The following RCBTB1 variants were observed in gnomAD, a reference collection of about 807,000 sequenced individuals.
RCBTB1 encodes RCC1 and BTB domain-containing protein 1.
Under a neutral mutation model 62.4 loss-of-function variants are expected in RCBTB1, and 46 were observed. The ratio of observed to expected loss-of-function variants is 0.74; its 90% CI spans 0.58 to 0.94. The LOEUF (loss-of-function observed/expected upper bound fraction) is 0.94, where lower values mean the gene tolerates loss of function less well. Ranked by LOEUF, RCBTB1 falls within the 40% of genes least tolerant of loss-of-function variation. The probability of loss-of-function intolerance (pLI) is 0.00; values close to 1 mark genes in which losing one functional copy is unlikely to be tolerated. For synonymous variants in RCBTB1, 222 were observed against 245.8 expected (o/e 0.90, Z 0.91); for missense variants, 565 against 654.9 (o/e 0.86, Z 1.50).
chr13:49,549,764 C>A, intron 8 of RCBTB1, 116 bp from the exon 9 acceptor site: 1 of 1,450,602 alleles, frequency 6.9e-7, no homozygotes. Context: ...GTCCAAGTTC[C>A]AGGGACACTA....
intron 4 of RCBTB1, among the ~76,000 whole-genome samples, chr13:49,562,399 G>A (rs982523782): frequency 2.6e-5 from 4 of 151,588 alleles, no homozygotes; most frequent in African/African-American, 9.7e-5. Flanking sequence ...AGCTGAGGTG[G>A]GAGGATTGCT....
At chr13:49,550,189 G>A (rs1961207006) in intron 8 of RCBTB1, among the ~76,000 whole-genome samples, 1 of 151,964 alleles carries the variant, frequency 6.6e-6, no homozygotes, top group African/African-American at 2.4e-5. Context: ...ATATTGCCAG[G>A]GCCGGTCACC....
intron 12 of RCBTB1, among the ~76,000 whole-genome samples, 162 bp from the exon 13 acceptor site, chr13:49,534,424 G>A (rs1959776622): frequency 6.6e-6 from 1 of 152,110 alleles, no homozygotes; most frequent in Non-Finnish European, 1.5e-5. Flanking sequence ...CCACAGGTAG[G>A]TGTGAGAAAA....
intron 4 of RCBTB1, among the ~76,000 whole-genome samples, chr13:49,564,304 C>T (rs949227693): frequency 4.6e-5 from 7 of 152,042 alleles, no homozygotes; most frequent in Non-Finnish European, 1.0e-4. Flanking sequence ...AAAAATGTAC[C>T]GGCCGGGCAC....
At chr13:49,555,261 G>A (rs1000909449) in intron 6 of RCBTB1, among the ~76,000 whole-genome samples, 1 of 152,148 alleles carries the variant, frequency 6.6e-6, no homozygotes, top group African/African-American at 2.4e-5. Context: ...ATAGGCATTA[G>A]GCTCTTTGGA....
chr13:49,549,780 C>G, intron 8 of RCBTB1, 132 bp from the exon 9 acceptor site: 1 of 1,431,152 alleles, frequency 7.0e-7, no homozygotes, highest in Non-Finnish European at 9.1e-7. Context: ...CACTAGCTGC[C>G]AAGTCACAGC....
intron 12 of RCBTB1, among the ~76,000 whole-genome samples, chr13:49,540,278 G>T (rs1226166027): frequency 1.3e-5 from 2 of 152,102 alleles, no homozygotes; most frequent in Non-Finnish European, 2.9e-5. Context: ...TGATGCTTTG[G>T]TTCTTCAAAA....
At chr13:49,570,608 T>C (rs1395767048) in intron 2 of RCBTB1, among the ~76,000 whole-genome samples, 4 of 152,182 alleles carry the variant, frequency 2.6e-5, no homozygotes, top group African/African-American at 7.2e-5. Flanking sequence ...GTTCAAGATA[T>C]AATGAAGAAG....
At chr13:49,549,902 T>A in intron 8 of RCBTB1, 1 of 985,354 alleles carries the variant, frequency 1.0e-6, no homozygotes, top group South Asian at 4.7e-5. Flanking sequence ...CGAGGAAAAC[T>A]TGGAAAACAG....
intron 9 of RCBTB1, among the ~76,000 whole-genome samples, chr13:49,545,574 A>T (rs1960724184): frequency 6.6e-6 from 1 of 152,226 alleles, no homozygotes. Context: ...ACTACAAGGA[A>T]AAGTAAAGGC....
Position 49,573,236 on chromosome 13 carries a change from C to G in RCBTB1, c.-41-5916G>C, listed in dbSNP as rs77192529. 1.2e-4 allele frequency among the ~76,000 whole-genome samples: 18 copies of G among 152,232 alleles called. No homozygotes were observed. The East Asian group carries it at 3.5e-3, about 29-fold the overall frequency. ...CAATTTTTCTAAAGTATAATATATA[C>G]AGAAATGTATACACCAAAATATATC... is the stretch of plus-strand genomic sequence containing the variant. On this transcript the variant is annotated intron_variant, in intron 2 of 12. Transcript: ENST00000378302.
intron 4 of RCBTB1, among the ~76,000 whole-genome samples, chr13:49,565,007 T>G (rs1266627905): frequency 6.6e-6 from 1 of 152,078 alleles, no homozygotes; most frequent in African/African-American, 2.4e-5. Context: ...CCGCTCCCGC[T>G]CCCATTCCCA....
intron 2 of RCBTB1, among the ~76,000 whole-genome samples, chr13:49,568,762 C>T (rs1963201054): frequency 6.6e-6 from 1 of 152,070 alleles, no homozygotes; most frequent in African/African-American, 2.4e-5. Flanking sequence ...AACCTTATCT[C>T]TACTAAAAAT....
rs923047496 is a variant in RCBTB1 at position 49,544,953 on chromosome 13, G to GGAT, written c.1046-93_1046-91dup. ...TCAAAAAGATCATCATGACCGTGAT[G>GGAT]GATAATTCCACTTGTTTTTTTTTCA... On this transcript the variant is annotated intron_variant, in intron 9 of 12. Coordinates refer to ENST00000378302, the MANE Select transcript of RCBTB1 (RefSeq NM_018191.4). 85 of 1,020,140 alleles carry GGAT rather than the reference G, an allele frequency of 8.3e-5. No homozygotes were observed. In the African/African-American group the frequency reaches 1.2e-3, roughly 14 times the overall value. The allele number at this position is 1,020,140 out of a possible 1,614,324, so 63.2% of individuals were successfully genotyped here.
At chr13:49,565,509 C>A (rs1173248339) in intron 4 of RCBTB1, among the ~76,000 whole-genome samples, 1 of 150,040 alleles carries the variant, frequency 6.7e-6, no homozygotes, top group Non-Finnish European at 1.5e-5. Flanking sequence ...CTCTGCCCGG[C>A]TGCCCAGTCT....
chr13:49,583,553 C>CA (rs1171753018), intron 1 of RCBTB1, among the ~76,000 whole-genome samples: 1 of 147,560 alleles, frequency 6.8e-6, no homozygotes, highest in African/African-American at 2.5e-5. Context: ...ACAACATGTA[C>CA]TTTTTTTTTT....
chr13:49,568,344 T>C (rs556780389), intron 2 of RCBTB1, among the ~76,000 whole-genome samples: 127 of 152,372 alleles, frequency 8.3e-4, no homozygotes, highest in Non-Finnish European at 1.4e-3. Context: ...AATAGTGCAA[T>C]TGTTGCCTGC....
Position 49,540,875 on chromosome 13 carries a change from C to CCTCT in RCBTB1, c.1452_1455dup (p.Asp486ArgfsTer9). The CCTCT allele has an allele frequency of 6.2e-7, 1 of 1,613,082 alleles. No homozygotes were observed. Among genetic ancestry groups the CCTCT allele is most frequent in the Non-Finnish European group, 8.5e-7 (1 of 1,179,700 alleles). ...TGGTTTCTGTTTGTTGTTTAAGTTA[C>CCTCT]CTCTGCATCATATCTGACTGCAGCA... On this transcript the variant is annotated frameshift_variant and splice_region_variant. Coordinates refer to ENST00000378302, the MANE Select transcript of RCBTB1 (RefSeq NM_018191.4). LOFTEE classifies it high-confidence loss of function.
At chr13:49,536,730 A>G (rs1959971229) in intron 12 of RCBTB1, among the ~76,000 whole-genome samples, 1 of 152,214 alleles carries the variant, frequency 6.6e-6, no homozygotes, top group Admixed American at 6.5e-5. Context: ...AGGGTCTAAT[A>G]CAGTCTTCTT....
Sources: gnomAD v4.1 joint callset for allele counts (sites outside exome capture counted in the v4.1 genomes callset) on GRCh38, gnomAD v4.1.1 for gene constraint, MANE v1.5 for transcripts, NCBI Gene and HGNC (gene_info 2026-07-23, HGNC 2026-07-21) for gene names.